NCAPD3: variants seen among roughly 807,000 people sequenced by gnomAD.
The protein encoded by NCAPD3 is non-SMC condensin II complex subunit D3.
NCAPD3 carries 105 observed loss-of-function variants against 182.9 expected under a neutral mutation model. That is an observed-to-expected ratio of 0.57 (90% CI 0.49 to 0.68). The LOEUF is 0.68. Among genes scored for constraint, NCAPD3 ranks in the 30% least tolerant of loss-of-function variants. The pLI, the probability that NCAPD3 is intolerant of heterozygous loss-of-function variation, is 0.00. For synonymous variants in NCAPD3, 815 were observed against 679.9 expected, an observed-to-expected ratio of 1.20 and a Z score of -3.09; for missense variants, 1,944 against 1,837.0, an observed-to-expected ratio of 1.06 and a Z score of -1.07.
intron 27 of NCAPD3, among the ~76,000 whole-genome samples, chr11:134,165,460 C>T (rs1170061930): frequency 6.8e-6 from 1 of 147,950 alleles, no homozygotes; most frequent in Admixed American, 6.8e-5. Flanking sequence ...GAGTGGCACA[C>T]TCATGAGATG....
intron 13 of NCAPD3, among the ~76,000 whole-genome samples, chr11:134,196,970 G>A (rs528080613): frequency 6.4e-4 from 97 of 152,266 alleles, no homozygotes; most frequent in African/African-American, 1.7e-3. Context: ...TGCTGGAGGC[G>A]GGGCCTGGTA....
chr11:134,175,727 C>G (rs1944144106), intron 24 of NCAPD3, among the ~76,000 whole-genome samples: 1 of 152,090 alleles, frequency 6.6e-6, no homozygotes, highest in African/African-American at 2.4e-5. Context: ...GACCATTTCT[C>G]AACCCCTTGA....
rs550584580 is a variant in NCAPD3, at chr11:134,186,704, T to A, written c.2046-1178A>T. Among the ~76,000 whole-genome samples the A allele has an allele frequency of 3.3e-5, 5 of 152,354 alleles. No individual in the cohort carries two copies. In the South Asian group the frequency reaches 1.0e-3, roughly 32 times the overall value. On this transcript the variant is annotated intron_variant, in intron 16 of 34. Transcript: ENST00000534548. ...CATACCCACACGCGAACATCAGGAATTCCTCATTAAACTGTTTTTAGAAGG... is the reference window on the plus strand; with the variant it reads ...CATACCCACACGCGAACATCAGGAAATCCTCATTAAACTGTTTTTAGAAGG...
intron 32 of NCAPD3, among the ~76,000 whole-genome samples, chr11:134,156,341 C>A (rs1943418307): frequency 6.6e-6 from 1 of 152,208 alleles, no homozygotes; most frequent in South Asian, 2.1e-4. Context: ...CACACAGGGA[C>A]ACGGCGGCAG....
At chr11:134,202,935 T>C (rs760178671) in intron 12 of NCAPD3, 30 bp from the exon 13 acceptor site, 2 of 1,514,604 alleles carry the variant, frequency 1.3e-6, no homozygotes, top group African/African-American at 1.4e-5. Context: ...GTCATTAAGC[T>C]AAAAATGTGT....
chr11:134,169,600 C>A (rs541733056), intron 24 of NCAPD3, among the ~76,000 whole-genome samples: 8 of 152,204 alleles, frequency 5.3e-5, no homozygotes, highest in Non-Finnish European at 1.0e-4. Flanking sequence ...TGACTCAATG[C>A]GCTTTGGAAT....
intron 23 of NCAPD3, among the ~76,000 whole-genome samples, 174 bp from the exon 24 acceptor site, chr11:134,176,560 ATC>A (rs754684664): frequency 6.6e-6 from 1 of 152,242 alleles, no homozygotes; most frequent in Non-Finnish European, 1.5e-5. Context: ...GCAGAACAAC[ATC>A]ACCCTTCTAC....
chr11:134,158,561 A>AT, intron 29 of NCAPD3, 66 bp from the exon 30 acceptor site: 2 of 1,500,808 alleles, frequency 1.3e-6, no homozygotes, highest in Non-Finnish European at 1.8e-6. Flanking sequence ...CGGATATATG[A>AT]TAGTTGTACA....
At chr11:134,214,033 C>G (rs1193681875) in intron 3 of NCAPD3, among the ~76,000 whole-genome samples, 1 of 151,750 alleles carries the variant, frequency 6.6e-6, no homozygotes, top group African/African-American at 2.4e-5. Flanking sequence ...CATCAGGAAG[C>G]ATATGTAAGT....
At chr11:134,203,987 A>C in intron 10 of NCAPD3, 59 bp downstream of exon 10, 1 of 1,600,332 alleles carries the variant, frequency 6.2e-7, no homozygotes, top group African/African-American at 1.3e-5. Context: ...CTAGAAAAAG[A>C]GACCCTTTTA....
At position 134,204,001 on chromosome 11, in the gene NCAPD3, A is replaced by C; in HGVS notation, c.1215+45T>G. The C allele has an allele frequency of 6.6e-7, 1 of 1,510,126 alleles. No individual in the cohort carries two copies. Among genetic ancestry groups the C allele is most frequent in the Non-Finnish European group, 9.1e-7 (1 of 1,097,260 alleles). 93.5% of individuals were successfully genotyped at this position (1,510,126 alleles called of 1,614,324 possible). On this transcript the variant is annotated intron_variant, in intron 10 of 34. Coordinates refer to ENST00000534548, the MANE Select transcript of NCAPD3 (RefSeq NM_015261.3). The surrounding 1 kb of genome is among the most constrained non-coding windows in gnomAD (Gnocchi z 4.3). ...CCTAGAAAAAGAGACCCTTTTAAAA[A>C]GAGTTTAAAAAGGACCCAAGGTTTT...
intron 19 of NCAPD3, among the ~76,000 whole-genome samples, chr11:134,182,471 C>T (rs1944318498): frequency 6.6e-6 from 1 of 152,202 alleles, no homozygotes; most frequent in African/African-American, 2.4e-5. Flanking sequence ...GTCCCCAACC[C>T]TTCCCTTCTC....
Position 134,152,840 on chromosome 11 carries a change from C to T in NCAPD3, c.*104G>A. ...AGCTCTCGTGTTCCACAGCAAAGCG[C>T]TGCCCAAGGACTGCGGGAAGTGATC... is the stretch of plus-strand genomic sequence containing the variant. On this transcript the variant is annotated 3_prime_UTR_variant, in exon 35 of 35. Transcript: ENST00000534548. 1 of 911,110 alleles carries T rather than the reference C, an allele frequency of 1.1e-6. No individual in the cohort carries two copies. Among genetic ancestry groups the T allele is most frequent in the Non-Finnish European group, 1.7e-6 (1 of 591,188 alleles). 56.4% of individuals were successfully genotyped at this position (911,110 alleles called of 1,614,324 possible).
chr11:134,166,874 G>C (rs148915653), intron 27 of NCAPD3, among the ~76,000 whole-genome samples: 1,404 of 124,724 alleles, frequency 0.011, 107 homozygotes, highest in African/African-American at 0.047. Context: ...GCTTAGGGGA[G>C]GCGCACACTC....
chr11:134,185,656 T>G, intron 16 of NCAPD3, 130 bp from the exon 17 acceptor site: 1 of 621,726 alleles, frequency 1.6e-6, no homozygotes, highest in East Asian at 3.0e-5. Context: ...AACTTATATG[T>G]AGACGTTCCT....
intron 27 of NCAPD3, 46 bp from the exon 28 acceptor site, chr11:134,161,937 AAGAC>A (rs1008088576): frequency 8.2e-6 from 8 of 975,198 alleles, no homozygotes; most frequent in South Asian, 1.5e-5. Flanking sequence ...GAACTTCTGA[AAGAC>A]AGGCCTCTCC....
intron 16 of NCAPD3, chr11:134,186,189 G>A (rs984427180): frequency 2.6e-5 from 4 of 152,044 alleles, no homozygotes; most frequent in African/African-American, 9.7e-5. Flanking sequence ...ATGTACTAAA[G>A]TGTTTGTGTT....
chr11:134,211,889 AG>A (rs1937846895), intron 3 of NCAPD3, among the ~76,000 whole-genome samples: 1 of 152,176 alleles, frequency 6.6e-6, no homozygotes, highest in Non-Finnish European at 1.5e-5. Flanking sequence ...AGTCTAACAC[AG>A]GAGTGACTGA....
rs755321133 is a variant in NCAPD3 at position 134,184,645 on chromosome 11, C to G, written c.2443G>C (p.Glu815Gln). ...LCRASAETPA[E>Q]EQELLTQVCG... ...GGAAAGTCTGGCCATACCTGCTCCT[C>G]TGCTGGTGTCTCTGCAGATGCTCTA... The change falls in exon 19 of 35, where the codon GAG becomes CAG. Residue 815 changes from glutamate to glutamine, a missense_variant. By Grantham distance (29) the Glu-to-Gln change is conservative (BLOSUM62 2). Coordinates refer to ENST00000534548, the MANE Select transcript of NCAPD3 (RefSeq NM_015261.3). 1.2e-6 allele frequency: 2 copies of G among 1,609,988 alleles called. No homozygotes were observed. The highest frequency in any genetic ancestry group is 1.7e-6 in the Non-Finnish European group (2 of 1,178,190).
Sources: allele counts gnomAD v4.1 joint callset (sites outside exome capture counted in the v4.1 genomes callset), GRCh38; gene constraint gnomAD v4.1.1; non-coding constraint Gnocchi (gnomAD v3.1); transcripts MANE v1.5; gene names NCBI Gene and HGNC (gene_info 2026-07-23, HGNC 2026-07-21).